KAZALD1: variants seen among roughly 807,000 people sequenced by gnomAD.
KAZALD1 encodes the protein Kazal type serine peptidase inhibitor domain 1, also known as kazal-type serine protease inhibitor domain-containing protein 1.
A neutral mutation model predicts 27.7 loss-of-function variants in KAZALD1; 31 were observed. That is an observed-to-expected ratio of 1.12 (90% CI 0.84 to 1.51). The LOEUF (loss-of-function observed/expected upper bound fraction) is 1.51, where lower values mean the gene tolerates loss of function less well. Among genes scored for constraint, KAZALD1 ranks in the 40% most tolerant of loss-of-function variants. The pLI, the probability that KAZALD1 is intolerant of heterozygous loss-of-function variation, is 0.00. For missense variants in KAZALD1, 444 were observed against 408.9 expected (o/e 1.09, Z -0.74); for synonymous variants, 179 against 182.0 (o/e 0.98, Z 0.13).
intron 1 of KAZALD1, 64 bp downstream of exon 1, chr10:101,062,179 A>C (rs1402040860): frequency 2.9e-5 from 6 of 206,642 alleles, no homozygotes; most frequent in East Asian, 1.6e-4. Context: ...CTCACCCCCC[A>C]TTAGCAGCTT....
intron 2 of KAZALD1, 141 bp from the exon 3 acceptor site, chr10:101,064,120 T>C: frequency 1.3e-6 from 1 of 771,772 alleles, no homozygotes; most frequent in South Asian, 1.7e-5. Context: ...TGTCACGGTG[T>C]GTTTATGGAT....
chr10:101,064,182 A>T lies in KAZALD1; in HGVS notation c.512-79A>T. 2.0e-6 allele frequency: 3 copies of T among 1,525,568 alleles called. No individual in the cohort carries two copies. The South Asian group carries it at 3.5e-5, about 18-fold the overall frequency. The allele number at this position is 1,525,568 out of a possible 1,614,324, so 94.5% of individuals were successfully genotyped here. A position where few individuals can be genotyped will look rare whatever the true frequency, so the allele number is the denominator to read the frequency against. On this transcript the variant is annotated intron_variant, in intron 2 of 4. Transcript: ENST00000370200. ...TTCTGCCACAAGCATGTCCACAAAA[A>T]TTTGTGTATCATGTCTTTGCCAGAC...
In KAZALD1 at chr10:101,065,154, C is replaced by T; in HGVS notation, c.*234C>T. On this transcript the variant is annotated 3_prime_UTR_variant, in exon 5 of 5. Coordinates refer to ENST00000370200, the MANE Select transcript of KAZALD1 (RefSeq NM_030929.5). ...CAGGACCGGTGGGGTACAAAGGGGC[C>T]CATGCAGGAGATGCCCTGGCCAGTA... 1.9e-6 allele frequency: 1 copy of T among 521,776 alleles called. No individual in the cohort carries two copies. The highest frequency in any genetic ancestry group is 3.5e-6 in the Non-Finnish European group (1 of 289,402). The allele number at this position is 521,776 out of a possible 1,614,324, so 32.3% of individuals were successfully genotyped here.
Position 101,062,616 on chromosome 10 carries a change from A to G in KAZALD1, c.24A>G (p.Ala8=). 1 of 1,581,378 alleles carries G rather than the reference A, an allele frequency of 6.3e-7. No homozygotes were observed. The highest frequency in any genetic ancestry group is 8.5e-7 in the Non-Finnish European group (1 of 1,172,654). ...CCATGCTGCCGCCGCCGCGGCCCGCAGCTGCCTTGGCGCTGCCTGTGCTCC... is the reference window on the plus strand; with the variant it reads ...CCATGCTGCCGCCGCCGCGGCCCGCGGCTGCCTTGGCGCTGCCTGTGCTCC... MLPPPRP[A]AALALPVLLL... Residue 8 remains alanine, a synonymous_variant, in exon 2 of 5, where the codon GCA becomes GCG. Coordinates refer to ENST00000370200, the MANE Select transcript of KAZALD1 (RefSeq NM_030929.5).
chr10:101,067,282 G>T (rs1245793216), downstream of KAZALD1: 2 of 456,680 alleles, frequency 4.4e-6, no homozygotes, highest in Admixed American at 4.7e-5. Context: ...TTCCAGGAGC[G>T]CCGACCCAGA....
chr10:101,068,113 T>A, downstream of KAZALD1: 6 of 426,536 alleles, frequency 1.4e-5, no homozygotes, highest in Admixed American at 8.7e-5. Context: ...AAAATCTGAA[T>A]AAAAAAAAGA....
rs1162619994 is a variant in KAZALD1, at chr10:101,062,723, T to C, written c.131T>C (p.Met44Thr). The C allele has an allele frequency of 9.8e-6, 15 of 1,536,768 alleles. No homozygotes were observed. The highest frequency in any genetic ancestry group is 8.4e-5 in the African/African-American group (6 of 71,026). Residue 44 changes from methionine to threonine, a missense_variant, in exon 2 of 5, where the codon ATG becomes ACG. Coordinates refer to ENST00000370200, the MANE Select transcript of KAZALD1 (RefSeq NM_030929.5). ...PGPDYLRRGW[M>T]RLLAEGEGCA... ...CCAGATTACCTGCGGCGCGGCTGGA[T>C]GCGGCTGCTAGCGGAGGGCGAGGGC...
Position 101,066,318 on chromosome 10 carries a change from T to G in KAZALD1, c.*1398T>G, listed in dbSNP as rs534528000. ...GCCCAACGCAGGGAGCCTGGCCACA[T>G]GGGAGGGGTGTGGTCCGGAACTCCA... is the stretch of plus-strand genomic sequence containing the variant. On this transcript the variant is annotated 3_prime_UTR_variant, in exon 5 of 5. Coordinates refer to ENST00000370200, the MANE Select transcript of KAZALD1 (RefSeq NM_030929.5). 1.0e-3 allele frequency: 450 copies of G among 450,022 alleles called. 3 individuals carry two copies. The highest frequency in any genetic ancestry group is 8.2e-3 in the African/African-American group (409 of 50,118). The allele number at this position is 450,022 out of a possible 1,614,324, so 27.9% of individuals were successfully genotyped here.
intron 2 of KAZALD1, 22 bp from the exon 3 acceptor site, chr10:101,064,239 G>C: frequency 6.2e-7 from 1 of 1,613,602 alleles, no homozygotes; most frequent in African/African-American, 1.3e-5. Context: ...GCTATTCTCA[G>C]ACCTCCCGCC....
chr10:101,066,410 C>CG lies in KAZALD1; in HGVS notation c.*1493dup, dbSNP rs1564658527. Reference sequence around the variant, plus strand: ...TACTCCATCTACTGCTGGCTTGCCCCGGGTCCTTAAGCCAGCGACAGTTTT... The same window carrying CG: ...TACTCCATCTACTGCTGGCTTGCCCCGGGGTCCTTAAGCCAGCGACAGTTTT... On this transcript the variant is annotated 3_prime_UTR_variant, in exon 5 of 5. Transcript: ENST00000370200. 2.2e-6 allele frequency: 1 copy of CG among 456,792 alleles called. No individual in the cohort carries two copies. Among genetic ancestry groups the CG allele is most frequent in the South Asian group, 1.5e-5 (1 of 64,576 alleles). The allele number at this position is 456,792 out of a possible 1,614,324, so 28.3% of individuals were successfully genotyped here.
chr10:101,062,534 C>T lies in KAZALD1; in HGVS notation c.-51-8C>T, dbSNP rs1939184520. ...CTGACCTCCTGACCTGGCTTCCCTT[C>T]CTGGCAGGGTGCCCGAACGCGCTGA... On this transcript the variant is annotated splice_polypyrimidine_tract_variant and splice_region_variant and intron_variant, in intron 1 of 4. Coordinates refer to ENST00000370200, the MANE Select transcript of KAZALD1 (RefSeq NM_030929.5). The T allele has an allele frequency of 1.3e-6, 2 of 1,539,850 alleles. No homozygotes were observed. The highest frequency in any genetic ancestry group is 3.8e-5 in the Admixed American group (2 of 52,638).
At chr10:101,067,378 C>T (rs1287118194), downstream of KAZALD1, 3 of 449,332 alleles carry the variant, frequency 6.7e-6, no homozygotes, top group Admixed American at 2.4e-5. Context: ...CTTGAAATCC[C>T]TGGAATGCGC....
Position 101,064,945 on chromosome 10 carries a change from T to G in KAZALD1, c.*25T>G. On this transcript the variant is annotated 3_prime_UTR_variant, in exon 5 of 5. Transcript: ENST00000370200. ...GGTCCAGAGCTCTGGCCCATGGGGG[T>G]GGGTGAGCGGCTATAGTGTTCATCC... The G allele has an allele frequency of 3.2e-6, 5 of 1,544,018 alleles. No individual in the cohort carries two copies. Among genetic ancestry groups the G allele is most frequent in the Non-Finnish European group, 4.5e-6 (5 of 1,116,938 alleles).
chr10:101,067,850 A>G (rs1939365540), downstream of KAZALD1: 1 of 464,018 alleles, frequency 2.2e-6, no homozygotes, highest in African/African-American at 2.0e-5. Context: ...GAGAGGGCCA[A>G]GACTGCAGAC....
At chr10:101,064,455 C>T in intron 3 of KAZALD1, 34 bp downstream of exon 3, 4 of 1,614,132 alleles carry the variant, frequency 2.5e-6, no homozygotes, top group Non-Finnish European at 2.5e-6. Flanking sequence ...CTCAGGCAGC[C>T]CAGGGCCCTC....
chr10:101,064,061 C>T (rs967816157), intron 2 of KAZALD1, 200 bp from the exon 3 acceptor site: 13 of 614,142 alleles, frequency 2.1e-5, no homozygotes, highest in Non-Finnish European at 3.5e-5. Flanking sequence ...TCCACGTCTG[C>T]GTGGTACCCT....
chr10:101,064,700 T>C lies in KAZALD1; in HGVS notation c.820+52T>C, dbSNP rs75971185. ...TTGGGGGGATGGTGCTGGATTCCAG[T>C]TGTGAATGTGTAAGAAACAGACCAT... On this transcript the variant is annotated intron_variant, in intron 4 of 4. Coordinates refer to ENST00000370200, the MANE Select transcript of KAZALD1 (RefSeq NM_030929.5). The C allele has an allele frequency of 1.6e-3, 2,605 of 1,610,722 alleles. 34 individuals carry two copies. In the African/African-American group the frequency reaches 0.026, roughly 16 times the overall value.
rs772345105 is a variant in KAZALD1 at position 101,064,946 on chromosome 10, G to A, written c.*26G>A. 13 of 1,541,092 alleles carry A rather than the reference G, an allele frequency of 8.4e-6. No homozygotes were observed. The Admixed American group carries it at 2.0e-4, about 24-fold the overall frequency. On this transcript the variant is annotated 3_prime_UTR_variant, in exon 5 of 5. Transcript: ENST00000370200. ...GTCCAGAGCTCTGGCCCATGGGGGTGGGTGAGCGGCTATAGTGTTCATCCC... is the reference window on the plus strand; with the variant it reads ...GTCCAGAGCTCTGGCCCATGGGGGTAGGTGAGCGGCTATAGTGTTCATCCC...
At position 101,062,585 on chromosome 10, in the gene KAZALD1, C is replaced by T. The variant is rs1216660149; in HGVS notation, c.-8C>T. On this transcript the variant is annotated 5_prime_UTR_variant, in exon 2 of 5. Transcript: ENST00000370200. ...TGCCCCGAGTGCTCGCAGGGCTTCC[C>T]GCTAACCATGCTGCCGCCGCCGCGG... 7.6e-6 allele frequency: 12 copies of T among 1,584,608 alleles called. No individual in the cohort carries two copies. Among genetic ancestry groups the T allele is most frequent in the Non-Finnish European group, 1.0e-5 (12 of 1,174,540 alleles).
Sources: allele counts gnomAD v4.1 joint callset, GRCh38; gene constraint gnomAD v4.1.1; transcripts MANE v1.5; gene names NCBI Gene and HGNC (gene_info 2026-07-23, HGNC 2026-07-21).